JAZF1: variants seen among roughly 807,000 people sequenced by gnomAD.
The protein encoded by JAZF1 is JAZF zinc finger 1, also known as juxtaposed with another zinc finger protein 1.
JAZF1 carries 8 observed loss-of-function variants against 26.4 expected under a neutral mutation model. The observed-to-expected ratio is 0.30, with a 90% CI of 0.18 to 0.55. The LOEUF is 0.55. Ranked by LOEUF, JAZF1 falls within the 20% of genes least tolerant of loss-of-function variation. JAZF1 has a pLI of 0.94. For missense variants in JAZF1, 199 were observed against 322.0 expected (o/e 0.62, Z 2.92); for synonymous variants, 126 against 122.3 (o/e 1.03, Z -0.20).
chr7:28,145,603 A>T (rs1322440630), intron 1 of JAZF1, among the ~76,000 whole-genome samples: 1 of 152,322 alleles, frequency 6.6e-6, no homozygotes, highest in East Asian at 1.9e-4. Flanking sequence ...AAGCTTTCTC[A>T]TATCACTTAA....
intron 3 of JAZF1, among the ~76,000 whole-genome samples, chr7:27,885,886 C>T (rs1783852885): frequency 6.6e-6 from 1 of 152,140 alleles, no homozygotes; most frequent in South Asian, 2.1e-4. Context: ...CTCGCCAGGG[C>T]TGGTGAAATA....
chr7:28,003,461 T>C (rs1782639102), intron 1 of JAZF1, among the ~76,000 whole-genome samples: 2 of 152,342 alleles, frequency 1.3e-5, no homozygotes, highest in Non-Finnish European at 2.9e-5. Flanking sequence ...TGCACATGCA[T>C]ATTACTTCTG....
At chr7:28,128,384 T>C (rs954471079) in intron 1 of JAZF1, among the ~76,000 whole-genome samples, 2 of 152,080 alleles carry the variant, frequency 1.3e-5, no homozygotes, top group African/African-American at 4.8e-5. Context: ...TAGCCAGGTG[T>C]GGTGGCACGC....
chr7:27,990,770 G>C (rs1785883449), intron 2 of JAZF1, among the ~76,000 whole-genome samples: 1 of 152,122 alleles, frequency 6.6e-6, no homozygotes, highest in African/African-American at 2.4e-5. Context: ...TACTGGCTCT[G>C]TAAGAAACCC....
rs979829468 is a variant in JAZF1 at position 27,830,810 on chromosome 7, C to G, written c.*1990G>C. 3.4e-5 allele frequency: 7 copies of G among 205,368 alleles called. No homozygotes were observed. In the South Asian group the frequency reaches 7.6e-4, roughly 22 times the overall value. The allele number at this position is 205,368 out of a possible 1,614,324, so 12.7% of individuals were successfully genotyped here. A position where few individuals can be genotyped will look rare whatever the true frequency, so the allele number is the denominator to read the frequency against. Reference sequence around the variant, plus strand: ...CACAGTATAACAAAATATTCCCATCCTTACCTGTTTAGTAATACTGTCACA... The same window carrying G: ...CACAGTATAACAAAATATTCCCATCGTTACCTGTTTAGTAATACTGTCACA... On this transcript the variant is annotated 3_prime_UTR_variant, in exon 5 of 5. Coordinates refer to ENST00000283928, the MANE Select transcript of JAZF1 (RefSeq NM_175061.4).
chr7:28,098,671 G>A (rs923723125), intron 1 of JAZF1, among the ~76,000 whole-genome samples: 3 of 152,156 alleles, frequency 2.0e-5, no homozygotes, highest in Non-Finnish European at 4.4e-5. Flanking sequence ...TCCCACTGAG[G>A]AGAAATGAAT....
chr7:28,051,928 T>C (rs770051135), intron 1 of JAZF1, among the ~76,000 whole-genome samples: 4 of 152,098 alleles, frequency 2.6e-5, no homozygotes, highest in Admixed American at 2.6e-4. Flanking sequence ...TGTGGCCTAG[T>C]GGAAAAGAAA....
chr7:27,947,144 T>C (rs190893577), intron 2 of JAZF1, among the ~76,000 whole-genome samples: 1 of 152,366 alleles, frequency 6.6e-6, no homozygotes, highest in Admixed American at 6.5e-5. Context: ...TAAAGCCTCC[T>C]GTTACTTATG....
At chr7:28,064,107 T>A (rs1354975487) in intron 1 of JAZF1, among the ~76,000 whole-genome samples, 1 of 152,010 alleles carries the variant, frequency 6.6e-6, no homozygotes, top group African/African-American at 2.4e-5. Flanking sequence ...TCCTGTAAAT[T>A]ATAATTTAAA....
At chr7:27,974,679 G>A (rs569142349) in intron 2 of JAZF1, among the ~76,000 whole-genome samples, 2 of 152,324 alleles carry the variant, frequency 1.3e-5, no homozygotes, top group East Asian at 3.9e-4. Context: ...GAGATGATGA[G>A]TGGGCAAGGT....
chr7:27,834,756 A>G lies in JAZF1; in HGVS notation c.556-1780T>C, dbSNP rs181474176. On this transcript the variant is annotated intron_variant, in intron 4 of 4. Coordinates refer to ENST00000283928, the MANE Select transcript of JAZF1 (RefSeq NM_175061.4). Reference sequence around the variant, plus strand: ...GTGTATCCAGCCCAAGTGAGCCTTCAGATGATTCTAGCCCCAACTGGTGTC... The same window carrying G: ...GTGTATCCAGCCCAAGTGAGCCTTCGGATGATTCTAGCCCCAACTGGTGTC... Among the ~76,000 whole-genome samples, 22 of 152,336 alleles carry G rather than the reference A, an allele frequency of 1.4e-4. No homozygotes were observed. In the East Asian group the frequency reaches 4.2e-3, roughly 29 times the overall value.
chr7:28,102,823 T>C (rs1784494070), intron 1 of JAZF1, among the ~76,000 whole-genome samples: 1 of 152,228 alleles, frequency 6.6e-6, no homozygotes, highest in South Asian at 2.1e-4. Flanking sequence ...CATAAGATAC[T>C]GCTGCTAAAA....
chr7:28,120,482 C>T (rs1782579404), intron 1 of JAZF1, among the ~76,000 whole-genome samples: 1 of 141,568 alleles, frequency 7.1e-6, no homozygotes, highest in Admixed American at 7.4e-5. Context: ...GATGTCTGAA[C>T]CACTAGCCAC....
At chr7:27,998,063 A>AGGC (rs1562553947) in intron 1 of JAZF1, among the ~76,000 whole-genome samples, 23 of 72,264 alleles carry the variant, frequency 3.2e-4, no homozygotes, top group Middle Eastern at 8.9e-3. Context: ...GGAAGGAAGG[A>AGGC]AGGAAGGAAG....
intron 1 of JAZF1, among the ~76,000 whole-genome samples, chr7:28,108,768 A>G (rs58696040): frequency 0.082 from 12,486 of 152,308 alleles, 790 homozygotes; most frequent in South Asian, 0.21. Context: ...TCACTGACGC[A>G]TTATTCTCAA....
intron 1 of JAZF1, among the ~76,000 whole-genome samples, chr7:28,032,314 A>G (rs1213227619): frequency 2.0e-5 from 3 of 152,194 alleles, no homozygotes; most frequent in Non-Finnish European, 4.4e-5. Context: ...GAAAATATGG[A>G]CTCTGAAAAT....
chr7:27,900,057 C>T (rs1467607830), intron 2 of JAZF1, among the ~76,000 whole-genome samples: 1 of 152,148 alleles, frequency 6.6e-6, no homozygotes, highest in Non-Finnish European at 1.5e-5. Context: ...ACTGGGCTCC[C>T]CGGTTGTGGC....
At chr7:27,855,465 G>A (rs1783231173) in intron 3 of JAZF1, among the ~76,000 whole-genome samples, 2 of 151,810 alleles carry the variant, frequency 1.3e-5, no homozygotes, top group South Asian at 4.2e-4. Context: ...AAAATAGATC[G>A]CTAGCCAAAC....
intron 1 of JAZF1, among the ~76,000 whole-genome samples, chr7:28,057,919 T>C (rs1783738175): frequency 6.6e-6 from 1 of 152,220 alleles, no homozygotes; most frequent in Admixed American, 6.5e-5. Flanking sequence ...TGATCCTGTC[T>C]AATGTAAAAA....
Sources: allele counts gnomAD v4.1 joint callset (sites outside exome capture counted in the v4.1 genomes callset), GRCh38; gene constraint gnomAD v4.1.1; transcripts MANE v1.5; gene names NCBI Gene and HGNC (gene_info 2026-07-23, HGNC 2026-07-21).